KIF6: variants seen among roughly 807,000 people sequenced by gnomAD.
KIF6 encodes kinesin family member 6.
A neutral mutation model predicts 112.7 loss-of-function variants in KIF6; 106 were observed. The observed-to-expected ratio is 0.94, with a 90% confidence interval of 0.80 to 1.11. KIF6 has a LOEUF of 1.11. Ranked by LOEUF, KIF6 falls within the 50% of genes least tolerant of loss-of-function variation. The probability of loss-of-function intolerance (pLI) is 0.00; values close to 1 mark genes in which losing one functional copy is unlikely to be tolerated. For missense variants in KIF6, 929 were observed against 964.0 expected (o/e 0.96, Z 0.48); for synonymous variants, 339 against 339.9 (o/e 1.00, Z 0.03).
intron 10 of KIF6, among the ~76,000 whole-genome samples, chr6:39,567,044 T>C (rs962742478): frequency 6.6e-6 from 1 of 152,248 alleles, no homozygotes; most frequent in African/African-American, 2.4e-5. Context: ...TGCATGAGTG[T>C]ATGTTCTAAA....
chr6:39,696,203 C>T (rs1334829472), intron 3 of KIF6, among the ~76,000 whole-genome samples: 1 of 152,154 alleles, frequency 6.6e-6, no homozygotes, highest in Non-Finnish European at 1.5e-5. Context: ...ATGTTCACTG[C>T]TTGGGCAATG....
intron 15 of KIF6, among the ~76,000 whole-genome samples, chr6:39,395,733 G>C (rs933513219): frequency 2.6e-5 from 4 of 152,134 alleles, no homozygotes; most frequent in Non-Finnish European, 4.4e-5. Flanking sequence ...TCCAGTGTGG[G>C]TGGGACAGGT....
At chr6:39,602,164 T>C (rs1413039886) in intron 6 of KIF6, among the ~76,000 whole-genome samples, 1 of 152,160 alleles carries the variant, frequency 6.6e-6, no homozygotes, top group African/African-American at 2.4e-5. Flanking sequence ...TAATAATCCT[T>C]TATCAGTTTC....
At position 39,376,310 on chromosome 6, in the gene KIF6, C is replaced by T. The variant is rs193129630; in HGVS notation, c.1861+9312G>A. On this transcript the variant is annotated intron_variant, in intron 16 of 22. Coordinates refer to ENST00000287152, the MANE Select transcript of KIF6 (RefSeq NM_145027.6). ...CTCCCATGTCTCCGCACCAAGGTTG[C>T]GAGTGTTTTCTGCATGTCTGAAGGA... is the stretch of plus-strand genomic sequence containing the variant. Among the ~76,000 whole-genome samples the T allele has an allele frequency of 2.2e-4, 34 of 152,270 alleles. No individual in the cohort carries two copies. In the East Asian group the frequency reaches 3.1e-3, roughly 14 times the overall value.
rs1783312479 is a variant in KIF6, at chr6:39,613,171, CAG to C, written c.639+16_639+17del. The C allele has an allele frequency of 2.6e-6, 4 of 1,548,632 alleles. No homozygotes were observed. The highest frequency in any genetic ancestry group is 3.5e-6 in the Non-Finnish European group (4 of 1,152,722). ...CTTATAATGTTGAAGAAACAGCTTGCAGAGAGAAGTTTATTACCTCTGCAATC... is the reference window on the plus strand; with the variant it reads ...CTTATAATGTTGAAGAAACAGCTTGCAGAGAAGTTTATTACCTCTGCAATC... On this transcript the variant is annotated intron_variant, in intron 6 of 22. Transcript: ENST00000287152.
At chr6:39,724,852 T>C (rs151038626) in intron 1 of KIF6, among the ~76,000 whole-genome samples, 98 of 152,290 alleles carry the variant, frequency 6.4e-4, no homozygotes, top group African/African-American at 2.0e-3. Flanking sequence ...AAATGTACCT[T>C]TGAGTGTATC....
chr6:39,572,486 T>G (rs1780697104), intron 10 of KIF6, among the ~76,000 whole-genome samples: 1 of 152,152 alleles, frequency 6.6e-6, no homozygotes, highest in Admixed American at 6.5e-5. Flanking sequence ...GACCTCTTTT[T>G]CTGTTAGAAA....
rs1270858514 is a variant in KIF6 at position 39,520,454 on chromosome 6, T to C, written c.1645+19549A>G. Among the ~76,000 whole-genome samples, 4 of 152,300 alleles carry C rather than the reference T, an allele frequency of 2.6e-5. No homozygotes were observed. The East Asian group carries it at 7.7e-4, about 29-fold the overall frequency. On this transcript the variant is annotated intron_variant, in intron 13 of 22. Coordinates refer to ENST00000287152, the MANE Select transcript of KIF6 (RefSeq NM_145027.6). ...ACACACAATTCTCTGAGGCCCAAGA[T>C]GTTTGGAGAAGGGACGGTTGTGGAA...
In KIF6 at chr6:39,343,810, G is replaced by C. The variant is rs778454683; in HGVS notation, c.2327C>G (p.Pro776Arg). ...AGGGATGGACGACACTGGCCTCTTG[G>C]GGATGCTGGAGGCAACCACGTGTCA... ...STSTPLEDSIPKRPVSSIPLT... is the reference protein window; with the variant it reads ...STSTPLEDSIRKRPVSSIPLT... The change falls in exon 22 of 23, where the codon CCC (proline) becomes CGC (arginine). Residue 776 changes from proline to arginine, a missense_variant. By Grantham distance (103) the Pro-to-Arg change is moderately radical (BLOSUM62 -2). Around this residue, in one of 2 missense-constraint regions of KIF6, gnomAD observed 241 missense variants for 301.4 expected, o/e 0.80. Coordinates refer to ENST00000287152, the MANE Select transcript of KIF6 (RefSeq NM_145027.6). The surrounding 1 kb of genome is among the most constrained non-coding windows in gnomAD (Gnocchi z 4.1). 2 of 1,596,332 alleles carry C rather than the reference G, an allele frequency of 1.3e-6. No homozygotes were observed. The highest frequency in any genetic ancestry group is 1.7e-6 in the Non-Finnish European group (2 of 1,170,874).
At chr6:39,380,065 C>G (rs937345976) in intron 16 of KIF6, among the ~76,000 whole-genome samples, 8 of 152,210 alleles carry the variant, frequency 5.3e-5, no homozygotes, top group African/African-American at 1.9e-4. Flanking sequence ...ATCAACAATA[C>G]TAAATCATTT....
At chr6:39,554,976 C>G (rs1160710476) in intron 10 of KIF6, 1 of 167,160 alleles carries the variant, frequency 6.0e-6, no homozygotes, top group African/African-American at 2.4e-5. Context: ...GGCTGAGACA[C>G]AGACTGTCTG....
chr6:39,666,429 C>T (rs941090700), intron 3 of KIF6, among the ~76,000 whole-genome samples: 8 of 152,114 alleles, frequency 5.3e-5, no homozygotes, highest in African/African-American at 1.4e-4. Flanking sequence ...GAATTGTATA[C>T]AGTTGATTTA....
At chr6:39,656,925 T>A (rs1179750788) in intron 3 of KIF6, among the ~76,000 whole-genome samples, 1 of 152,112 alleles carries the variant, frequency 6.6e-6, no homozygotes, top group African/African-American at 2.4e-5. Flanking sequence ...TCTTGTCTAT[T>A]TGACTCATAA....
At chr6:39,489,474 G>C (rs1775330699) in intron 13 of KIF6, among the ~76,000 whole-genome samples, 3 of 152,016 alleles carry the variant, frequency 2.0e-5, no homozygotes, top group Admixed American at 2.0e-4. Flanking sequence ...TGGTGAGGGA[G>C]GGATAAAGAT....
chr6:39,441,353 G>T (rs1482174213), intron 13 of KIF6, among the ~76,000 whole-genome samples: 1 of 152,176 alleles, frequency 6.6e-6, no homozygotes, highest in Non-Finnish European at 1.5e-5. Flanking sequence ...AATAGCAAAT[G>T]TCATCATTTA....
At chr6:39,513,827 T>C (rs1776916077) in intron 13 of KIF6, among the ~76,000 whole-genome samples, 1 of 152,180 alleles carries the variant, frequency 6.6e-6, no homozygotes, top group Admixed American at 6.5e-5. Context: ...ACTGGAATAA[T>C]AACAAGGTTT....
At chr6:39,430,802 A>G (rs899474161) in intron 14 of KIF6, among the ~76,000 whole-genome samples, 4 of 152,220 alleles carry the variant, frequency 2.6e-5, no homozygotes, top group Admixed American at 2.0e-4. Flanking sequence ...GAGAATTGTA[A>G]ATCACGTTGA....
At chr6:39,609,711 T>G (rs1219152309) in intron 6 of KIF6, among the ~76,000 whole-genome samples, 1 of 152,204 alleles carries the variant, frequency 6.6e-6, no homozygotes, top group Non-Finnish European at 1.5e-5. Flanking sequence ...AATTTTCAAA[T>G]GTTGTGGTGT....
intron 6 of KIF6, among the ~76,000 whole-genome samples, chr6:39,601,208 C>T (rs774631840): frequency 6.6e-6 from 1 of 152,056 alleles, no homozygotes; most frequent in Non-Finnish European, 1.5e-5. Flanking sequence ...CTCTGTGTCC[C>T]ATGGATGGAT....
Sources: gnomAD v4.1 joint callset for allele counts (sites outside exome capture counted in the v4.1 genomes callset) on GRCh38, gnomAD v4.1.1 for gene constraint, gnomAD v4.1.1 regional missense constraint, Gnocchi (gnomAD v3.1) non-coding constraint, MANE v1.5 for transcripts, NCBI Gene and HGNC (gene_info 2026-07-23, HGNC 2026-07-21) for gene names.